The following KDM7A variants were observed in gnomAD, a reference collection of about 807,000 sequenced individuals.
The protein encoded by KDM7A is lysine-specific demethylase 7A.
KDM7A carries 28 observed loss-of-function variants against 114.8 expected under a neutral mutation model. The observed-to-expected ratio is 0.24, with a 90% CI of 0.18 to 0.33. The LOEUF (loss-of-function observed/expected upper bound fraction) is 0.33, where lower values mean the gene tolerates loss of function less well. Ranked by LOEUF, KDM7A falls within the 10% of genes least tolerant of loss-of-function variation. The pLI, the probability that KDM7A is intolerant of heterozygous loss-of-function variation, is 1.00. For missense variants in KDM7A, 942 were observed against 1,142.5 expected (o/e 0.82, Z 2.53); for synonymous variants, 423 against 397.8 (o/e 1.06, Z -0.75).
chr7:140,103,023 TAG>T (rs1585140592), intron 11 of KDM7A, among the ~76,000 whole-genome samples: 1 of 152,058 alleles, frequency 6.6e-6, no homozygotes, highest in Non-Finnish European at 1.5e-5. Context: ...TGGCATTAAG[TAG>T]AGTCACAGTG....
At chr7:140,172,460 T>G (rs887380616) in intron 1 of KDM7A, among the ~76,000 whole-genome samples, 2 of 152,114 alleles carry the variant, frequency 1.3e-5, no homozygotes, top group Non-Finnish European at 2.9e-5. Flanking sequence ...GAGACCATCC[T>G]GGCTAACACA....
intron 2 of KDM7A, among the ~76,000 whole-genome samples, chr7:140,135,060 A>C (rs1818845774): frequency 6.6e-6 from 1 of 151,502 alleles, no homozygotes; most frequent in Non-Finnish European, 1.5e-5. Context: ...AAACAAACTC[A>C]CAAAAATTTA....
chr7:140,120,498 G>A lies in KDM7A; in HGVS notation c.1083C>T (p.Asp361=). 2.5e-6 allele frequency: 4 copies of A among 1,612,284 alleles called. No homozygotes were observed. The highest frequency in any genetic ancestry group is 3.4e-6 in the Non-Finnish European group (4 of 1,178,490). The part of the protein sequence containing the change: ...GWIHAVLTSQ[D]CMAFGGNFLH... ...GGAAGTTCCCCCCAAAAGCCATACAGTCCTGAGAAGTGAGCACAGCATGGA... is the reference window on the plus strand; with the variant it reads ...GGAAGTTCCCCCCAAAAGCCATACAATCCTGAGAAGTGAGCACAGCATGGA... The change falls in exon 8 of 20, where the codon GAC becomes GAT. Residue 361 remains aspartate (D), a synonymous_variant. Transcript: ENST00000397560.
chr7:140,163,069 A>T lies in KDM7A; in HGVS notation c.194+13675T>A, dbSNP rs563909836. ...GAGTGCAGTGGCACTATCTCGGCTCACTGCAAGCTCCTCCTCCCGGGTTCA... is the reference window on the plus strand; with the variant it reads ...GAGTGCAGTGGCACTATCTCGGCTCTCTGCAAGCTCCTCCTCCCGGGTTCA... On this transcript the variant is annotated intron_variant, in intron 1 of 19. Transcript: ENST00000397560. 2.9e-5 allele frequency among the ~76,000 whole-genome samples: 4 copies of T among 137,806 alleles called. No individual in the cohort carries two copies. The South Asian group carries it at 9.0e-4, about 31-fold the overall frequency. 90.4% of individuals were successfully genotyped at this position (137,806 alleles called of 152,430 possible).
rs535703129 is a variant in KDM7A, at chr7:140,088,358, G to T, written c.*2736C>A. Reference sequence around the variant, plus strand: ...ACAGTCACTTATTTGAAACAATACAGGAAAATTATCATCTATTCCTATTAC... The same window carrying T: ...ACAGTCACTTATTTGAAACAATACATGAAAATTATCATCTATTCCTATTAC... On this transcript the variant is annotated 3_prime_UTR_variant, in exon 20 of 20. Transcript: ENST00000397560. 3 of 394,122 alleles carry T rather than the reference G, an allele frequency of 7.6e-6. No homozygotes were observed. In the South Asian group the frequency reaches 4.2e-4, roughly 55 times the overall value. 24.4% of individuals were successfully genotyped at this position (394,122 alleles called of 1,614,324 possible).
chr7:140,091,731 T>C, intron 19 of KDM7A, 73 bp downstream of exon 19: 1 of 1,515,046 alleles, frequency 6.6e-7, no homozygotes, highest in Non-Finnish European at 9.1e-7. Flanking sequence ...GTGCAGAGAC[T>C]ACACCTCAAC....
chr7:140,142,512 G>A (rs1163080300), intron 1 of KDM7A, among the ~76,000 whole-genome samples: 2 of 151,522 alleles, frequency 1.3e-5, no homozygotes, highest in East Asian at 1.9e-4. Flanking sequence ...ACATAAAAAC[G>A]TGTACAACCT....
chr7:140,120,327 G>A, intron 8 of KDM7A, 115 bp downstream of exon 8: 1 of 621,590 alleles, frequency 1.6e-6, no homozygotes, highest in African/African-American at 1.8e-5. Context: ...ATATCTCAGG[G>A]ACTATTTCCA....
At chr7:140,109,137 G>A (rs1488101330) in intron 11 of KDM7A, among the ~76,000 whole-genome samples, 1 of 152,152 alleles carries the variant, frequency 6.6e-6, no homozygotes, top group Non-Finnish European at 1.5e-5. Context: ...TATTAAGGTG[G>A]GAGTGTCCTG....
rs79412674 is a variant in KDM7A, at chr7:140,095,231, A to C, written c.2375-1093T>G. Among the ~76,000 whole-genome samples the C allele has an allele frequency of 1.2e-4, 19 of 152,352 alleles. No individual in the cohort carries two copies. In the East Asian group the frequency reaches 3.7e-3, roughly 29 times the overall value. ...CTATAAAAATGGTATATTTTTCCAC[A>C]TAGAATAAAGGCAGGTATTTGCCTG... On this transcript the variant is annotated intron_variant, in intron 17 of 19. Transcript: ENST00000397560.
intron 6 of KDM7A, among the ~76,000 whole-genome samples, chr7:140,125,617 A>G (rs180750116): frequency 6.6e-6 from 1 of 152,340 alleles, no homozygotes; most frequent in East Asian, 1.9e-4. Flanking sequence ...CCCAGGCTGG[A>G]GTGCAATGGT....
At chr7:140,100,711 CATATATATAT>C (rs58767645) in intron 12 of KDM7A, among the ~76,000 whole-genome samples, 46 of 56,982 alleles carry the variant, frequency 8.1e-4, no homozygotes, top group Non-Finnish European at 1.2e-3. Flanking sequence ...TATATATACA[CATATATATAT>C]ATATATATAT....
At chr7:140,097,674 A>G in intron 14 of KDM7A, 32 bp from the exon 15 acceptor site, 2 of 1,287,506 alleles carry the variant, frequency 1.6e-6, no homozygotes, top group Non-Finnish European at 2.3e-6. Flanking sequence ...AGAAAAAGAG[A>G]AAGTCATTTG....
In KDM7A at chr7:140,086,897, G is replaced by A. The variant is rs1001520179; in HGVS notation, c.*4197C>T. 3 of 152,042 alleles carry A rather than the reference G, an allele frequency of 2.0e-5. No homozygotes were observed. The highest frequency in any genetic ancestry group is 6.6e-5 in the Admixed American group (1 of 15,266). 9.4% of individuals were successfully genotyped at this position (152,042 alleles called of 1,614,324 possible). The stretch of plus-strand genomic sequence containing the variant: ...GCTCTAGCTTCTCTTTATGTGGCGA[G>A]CAATTAACAATATTTAATGAGAAAA... On this transcript the variant is annotated 3_prime_UTR_variant, in exon 20 of 20. Transcript: ENST00000397560.
At chr7:140,134,894 C>T (rs760295416) in intron 2 of KDM7A, among the ~76,000 whole-genome samples, 1 of 152,020 alleles carries the variant, frequency 6.6e-6, no homozygotes, top group Non-Finnish European at 1.5e-5. Flanking sequence ...AATACAACAA[C>T]ATTGGGTCCT....
At chr7:140,093,944 C>G (rs1317401493) in intron 18 of KDM7A, 112 bp downstream of exon 18, 2 of 720,374 alleles carry the variant, frequency 2.8e-6, no homozygotes, top group East Asian at 5.0e-5. Flanking sequence ...AATTTTCTGG[C>G]TGCCTAGATC....
intron 1 of KDM7A, among the ~76,000 whole-genome samples, chr7:140,161,509 T>A (rs1016577917): frequency 6.6e-6 from 1 of 152,208 alleles, no homozygotes; most frequent in African/African-American, 2.4e-5. Flanking sequence ...ATGACCATTT[T>A]ATTTTCTTTT....
At chr7:140,147,030 C>T (rs1794346688) in intron 1 of KDM7A, among the ~76,000 whole-genome samples, 1 of 152,078 alleles carries the variant, frequency 6.6e-6, no homozygotes, top group Non-Finnish European at 1.5e-5. Flanking sequence ...ACTGAATGAT[C>T]TTACACTACC....
intron 3 of KDM7A, among the ~76,000 whole-genome samples, chr7:140,133,249 T>C (rs991340745): frequency 6.6e-6 from 1 of 152,190 alleles, no homozygotes; most frequent in African/African-American, 2.4e-5. Flanking sequence ...CTCAGATTAG[T>C]GTATTTCAAA....
Sources: allele counts gnomAD v4.1 joint callset (sites outside exome capture counted in the v4.1 genomes callset), GRCh38; gene constraint gnomAD v4.1.1; transcripts MANE v1.5; gene names NCBI Gene and HGNC (gene_info 2026-07-23, HGNC 2026-07-21).